SPAG9: variants seen among roughly 807,000 people sequenced by gnomAD.
SPAG9 encodes the protein C-Jun-amino-terminal kinase-interacting protein 4.
Under a neutral mutation model 166.5 loss-of-function variants are expected in SPAG9, and 35 were observed. The observed-to-expected ratio is 0.21, with a 90% CI of 0.16 to 0.28. SPAG9 has a LOEUF of 0.28. Among genes scored for constraint, SPAG9 ranks in the 10% least tolerant of loss-of-function variants. The pLI is 1.00. For missense variants in SPAG9, 1,235 were observed against 1,603.3 expected (o/e 0.77, Z 3.92); for synonymous variants, 534 against 565.5 (o/e 0.94, Z 0.79).
intron 20 of SPAG9, 97 bp from the exon 21 acceptor site, chr17:50,989,969 C>T (rs936314361): frequency 2.2e-6 from 2 of 905,622 alleles, no homozygotes; most frequent in Non-Finnish European, 3.6e-6. Flanking sequence ...TCCATCTACC[C>T]ACTCCTTCAC....
chr17:50,984,665 G>A (rs1337662978), intron 24 of SPAG9, among the ~76,000 whole-genome samples: 11 of 152,092 alleles, frequency 7.2e-5, no homozygotes, highest in African/African-American at 2.2e-4. Context: ...CAGCCTGGGC[G>A]ACAGAGCGAG....
rs987612507 is a variant in SPAG9 at position 50,963,803 on chromosome 17, A to AT, written c.*2468dup. The AT allele has an allele frequency of 2.0e-5, 3 of 152,228 alleles. No individual in the cohort carries two copies. The highest frequency in any genetic ancestry group is 4.4e-5 in the Non-Finnish European group (3 of 68,042). 9.4% of individuals were successfully genotyped at this position (152,228 alleles called of 1,614,324 possible). A position where few individuals can be genotyped will look rare whatever the true frequency, so the allele number is the denominator to read the frequency against. ...CATTTCCAATAAATGTTTAATAATGATTTTTTAAAAGATATTGCCAAAAAT... is the reference window on the plus strand; with the variant it reads ...CATTTCCAATAAATGTTTAATAATGATTTTTTTAAAAGATATTGCCAAAAAT... On this transcript the variant is annotated 3_prime_UTR_variant, in exon 30 of 30. Coordinates refer to ENST00000262013, the MANE Select transcript of SPAG9 (RefSeq NM_001130528.3).
intron 1 of SPAG9, among the ~76,000 whole-genome samples, chr17:51,083,756 A>G (rs763117203): frequency 2.6e-5 from 4 of 151,816 alleles, no homozygotes; most frequent in Non-Finnish European, 5.9e-5. Flanking sequence ...TACAAACCCT[A>G]TAACATTGGT....
intron 16 of SPAG9, 94 bp from the exon 17 acceptor site, chr17:50,995,627 T>C: frequency 1.3e-6 from 1 of 773,494 alleles, no homozygotes; most frequent in Non-Finnish European, 2.2e-6. Flanking sequence ...GAGCAAGCAC[T>C]GCTGTTATTT....
At chr17:51,069,714 A>T (rs2047770400) in intron 2 of SPAG9, among the ~76,000 whole-genome samples, 1 of 152,152 alleles carries the variant, frequency 6.6e-6, no homozygotes, top group South Asian at 2.1e-4. Flanking sequence ...AGAAATAAGA[A>T]GTGTTTTCCT....
chr17:51,056,306 T>G, intron 3 of SPAG9, 106 bp downstream of exon 3: 1 of 708,584 alleles, frequency 1.4e-6, no homozygotes, highest in Non-Finnish European at 2.5e-6. Flanking sequence ...CAAGAATTAT[T>G]CTTTTTTAAA....
chr17:51,013,907 CACACACACACAT>C (rs1424318099), intron 9 of SPAG9, among the ~76,000 whole-genome samples: 3,776 of 151,240 alleles, frequency 0.025, 152 homozygotes, highest in African/African-American at 0.087. Flanking sequence ...CACATACACA[CACACACACACAT>C]ACACACACAC....
At chr17:51,003,589 G>C (rs886423726) in intron 12 of SPAG9, among the ~76,000 whole-genome samples, 13 of 152,160 alleles carry the variant, frequency 8.5e-5, no homozygotes, top group African/African-American at 3.1e-4. Flanking sequence ...CTCTTAGACA[G>C]AGTATGTGAA....
intron 6 of SPAG9, among the ~76,000 whole-genome samples, chr17:51,026,968 G>A (rs939259373): frequency 3.2e-4 from 49 of 152,168 alleles, no homozygotes; most frequent in African/African-American, 9.6e-5. Flanking sequence ...GAGCCACTGC[G>A]CCCGGCCGGG....
chr17:50,989,318 G>C (rs1567967846), intron 21 of SPAG9, among the ~76,000 whole-genome samples: 1 of 152,172 alleles, frequency 6.6e-6, no homozygotes, highest in South Asian at 2.1e-4. Context: ...ATATGGCCTA[G>C]GTGTGTGATA....
intron 9 of SPAG9, among the ~76,000 whole-genome samples, chr17:51,009,481 G>A (rs527740808): frequency 3.9e-5 from 6 of 152,224 alleles, no homozygotes; most frequent in Non-Finnish European, 5.9e-5. Flanking sequence ...AAAATTCACC[G>A]TATGATCCAT....
chr17:51,077,097 T>TAGCTAGCTAGCTATCTAGCTAGCTAG, intron 2 of SPAG9, among the ~76,000 whole-genome samples: 1 of 115,730 alleles, frequency 8.6e-6, no homozygotes, highest in East Asian at 2.5e-4. Flanking sequence ...TAGCTATCTA[T>TAGCTAGCTAGCTATCTAGCTAGCTAG]CTAGCTAGCT....
chr17:51,050,476 C>T (rs2047149276), intron 3 of SPAG9, among the ~76,000 whole-genome samples: 1 of 152,170 alleles, frequency 6.6e-6, no homozygotes, highest in South Asian at 2.1e-4. Flanking sequence ...CTCTGGCCTG[C>T]CTGACTCAGT....
chr17:51,106,525 G>A (rs986947831), intron 1 of SPAG9, among the ~76,000 whole-genome samples: 1 of 151,880 alleles, frequency 6.6e-6, no homozygotes, highest in Admixed American at 6.6e-5. Flanking sequence ...TGCCAGGCGC[G>A]GTGGCTCATG....
intron 5 of SPAG9, among the ~76,000 whole-genome samples, chr17:51,034,493 A>G (rs1408867644): frequency 2.0e-5 from 3 of 152,196 alleles, no homozygotes; most frequent in African/African-American, 7.2e-5. Flanking sequence ...AAAAGAGCAC[A>G]GGAGCCAACC....
intron 6 of SPAG9, among the ~76,000 whole-genome samples, chr17:51,025,390 A>G (rs2046123216): frequency 6.6e-6 from 1 of 151,570 alleles, no homozygotes. Context: ...TATAAAATAT[A>G]AAAGTATCTG....
At chr17:50,971,571 G>A (rs978135133) in intron 28 of SPAG9, among the ~76,000 whole-genome samples, 9 of 141,758 alleles carry the variant, frequency 6.3e-5, no homozygotes, top group Non-Finnish European at 1.2e-4. Context: ...GGGTTCAAGC[G>A]ATTTACCTGC....
Position 50,991,929 on chromosome 17 carries a change from T to G in SPAG9, c.2399-1261A>C, listed in dbSNP as rs917658007. 1.1e-3 allele frequency among the ~76,000 whole-genome samples: 138 copies of G among 129,066 alleles called. 1 individual carries two copies. Among genetic ancestry groups the G allele is most frequent in the Middle Eastern group, 3.7e-3 (1 of 272 alleles). The allele number at this position is 129,066 out of a possible 152,430, so 84.7% of individuals were successfully genotyped here. A position where few individuals can be genotyped will look rare whatever the true frequency, so the allele number is the denominator to read the frequency against. On this transcript the variant is annotated intron_variant, in intron 19 of 29. Coordinates refer to ENST00000262013, the MANE Select transcript of SPAG9 (RefSeq NM_001130528.3). ...GTAAGCCACCATGCCAGGTCTTTTT[T>G]TTTTTTTTTTTTTTTTTTTTTTTAA...
In SPAG9 at chr17:51,053,855, GTATATATATATATATATATATATATA is replaced by G. The variant is rs1161592026; in HGVS notation, c.495+2531_495+2556del. Among the ~76,000 whole-genome samples, 58 of 37,750 alleles carry G rather than the reference GTATATATATATATATATATATATATA, an allele frequency of 1.5e-3. 2 individuals carry two copies. The highest frequency in any genetic ancestry group is 2.6e-3 in the East Asian group (2 of 760). 24.8% of individuals were successfully genotyped at this position (37,750 alleles called of 152,430 possible). Reference sequence around the variant, plus strand: ...CCTAATTAAAAAAAAAAAAAAAAAAGTATATATATATATATATATATATATATATATATATATATATATAAAACATA... The same window carrying G: ...CCTAATTAAAAAAAAAAAAAAAAAAGTATATATATATATATATAAAACATA... On this transcript the variant is annotated intron_variant, in intron 3 of 29. Coordinates refer to ENST00000262013, the MANE Select transcript of SPAG9 (RefSeq NM_001130528.3).
Sources: gnomAD v4.1 joint callset for allele counts (sites outside exome capture counted in the v4.1 genomes callset) on GRCh38, gnomAD v4.1.1 for gene constraint, MANE v1.5 for transcripts, NCBI Gene and HGNC (gene_info 2026-07-23, HGNC 2026-07-21) for gene names.